The following SIPA1L3 variants were observed in gnomAD, a reference collection of about 807,000 sequenced individuals.
SIPA1L3 encodes signal-induced proliferation-associated 1-like protein 3.
In SIPA1L3, 59 loss-of-function variants were observed where a neutral mutation model predicts 150.1. The observed-to-expected ratio is 0.39, with a 90% CI of 0.32 to 0.49. The LOEUF (loss-of-function observed/expected upper bound fraction) is 0.49. Among genes scored for constraint, SIPA1L3 ranks in the 20% least tolerant of loss-of-function variants. The pLI is 0.86. For synonymous variants in SIPA1L3, 1,070 were observed against 1,077.6 expected (o/e 0.99, Z 0.14); for missense variants, 2,211 against 2,489.5 (o/e 0.89, Z 2.38).
chr19:38,141,405 T>A lies in SIPA1L3; in HGVS notation c.3365T>A (p.Phe1122Tyr), dbSNP rs1241862178. The A allele has an allele frequency of 2.5e-6, 4 of 1,611,652 alleles. No individual in the cohort carries two copies. Among genetic ancestry groups the A allele is most frequent in the Admixed American group, 3.3e-5 (2 of 59,970 alleles). ...RPLKQTPIVP[F>Y]RESQPLHSKR... The stretch of plus-strand genomic sequence containing the variant: ...CTGAAGCAGACCCCCATAGTCCCCT[T>A]CCGGGAGTCCCAGCCACTGCACAGC... The change falls in exon 11 of 22, where the codon TTC (phenylalanine) becomes TAC (tyrosine). Residue 1122 changes from phenylalanine to tyrosine, a missense_variant. By Grantham distance (22) the Phe-to-Tyr change is conservative. Around this residue, in one of 5 missense-constraint regions of SIPA1L3, gnomAD observed 806 missense variants for 870.1 expected, o/e 0.93. Coordinates refer to ENST00000222345, the MANE Select transcript of SIPA1L3 (RefSeq NM_015073.3).
At chr19:38,156,994 C>T (rs534410653) in intron 13 of SIPA1L3, among the ~76,000 whole-genome samples, 1 of 151,672 alleles carries the variant, frequency 6.6e-6, no homozygotes, top group Admixed American at 6.6e-5. Context: ...GGGACTCTGC[C>T]TCTACAAAAA....
intron 2 of SIPA1L3, among the ~76,000 whole-genome samples, chr19:38,069,504 C>T (rs764538081): frequency 4.6e-5 from 7 of 152,138 alleles, no homozygotes; most frequent in Admixed American, 6.6e-5. Flanking sequence ...GGAGGCAGAC[C>T]CTCTTCTCTC....
chr19:38,183,017 C>A, intron 16 of SIPA1L3: 1 of 391,726 alleles, frequency 2.6e-6, no homozygotes, highest in Non-Finnish European at 4.6e-6. Flanking sequence ...TGGAACATTC[C>A]AGGGAGAAGG....
chr19:38,073,086 G>T (rs1251100817), intron 2 of SIPA1L3, among the ~76,000 whole-genome samples: 28 of 152,312 alleles, frequency 1.8e-4, no homozygotes, highest in African/African-American at 6.7e-4. Context: ...CCACATTCTA[G>T]CCAGTGGGAC....
chr19:38,072,649 C>T (rs1373769481), intron 2 of SIPA1L3, among the ~76,000 whole-genome samples: 1 of 152,278 alleles, frequency 6.6e-6, no homozygotes, highest in Non-Finnish European at 1.5e-5. Context: ...TGGTTCTGAT[C>T]AGGCCACATG....
chr19:37,932,279 C>T (rs1011657627), intron 1 of SIPA1L3: 3 of 152,328 alleles, frequency 2.0e-5, no homozygotes, highest in Admixed American at 6.5e-5. Flanking sequence ...GGCGAGCCGC[C>T]TTTGTTACCT....
chr19:38,122,140 G>A (rs184337823), intron 9 of SIPA1L3, among the ~76,000 whole-genome samples: 10 of 152,156 alleles, frequency 6.6e-5, no homozygotes, highest in East Asian at 1.9e-4. Context: ...AGAATTGCTT[G>A]AATCCGAGAG....
chr19:37,977,862 T>G (rs1967111008), intron 1 of SIPA1L3, among the ~76,000 whole-genome samples: 1 of 152,214 alleles, frequency 6.6e-6, no homozygotes, highest in African/African-American at 2.4e-5. Context: ...TGGTTAAAAC[T>G]AAATGCCTAG....
intron 1 of SIPA1L3, among the ~76,000 whole-genome samples, chr19:37,989,404 G>A (rs886995817): frequency 3.9e-5 from 6 of 152,100 alleles, no homozygotes; most frequent in African/African-American, 1.4e-4. Flanking sequence ...AAAATATTTA[G>A]TAGAGACGGG....
chr19:38,141,358 T>C lies in SIPA1L3; in HGVS notation c.3318T>C (p.His1106=), dbSNP rs1971578058. The change falls in exon 11 of 22, where the codon CAT becomes CAC. Residue 1106 remains histidine, a synonymous_variant. Coordinates refer to ENST00000222345, the MANE Select transcript of SIPA1L3 (RefSeq NM_015073.3). The part of the protein sequence containing the change: ...SKWATPTTPG[H]AQSLSRPLKQ... Reference sequence around the variant, plus strand: ...GGGCCACTCCAACCACTCCCGGCCATGCCCAGTCCCTGAGCCGGCCCCTGA... The same window carrying C: ...GGGCCACTCCAACCACTCCCGGCCACGCCCAGTCCCTGAGCCGGCCCCTGA... 1 of 1,613,832 alleles carries C rather than the reference T, an allele frequency of 6.2e-7. No individual in the cohort carries two copies.
intron 1 of SIPA1L3, among the ~76,000 whole-genome samples, chr19:37,920,210 A>T (rs2145481285): frequency 6.6e-6 from 1 of 151,982 alleles, no homozygotes; most frequent in African/African-American, 2.4e-5. Context: ...AGGTATGCAC[A>T]ACCATGCCCA....
At chr19:38,157,911 G>A (rs540737164) in intron 13 of SIPA1L3, among the ~76,000 whole-genome samples, 38 of 152,284 alleles carry the variant, frequency 2.5e-4, no homozygotes, top group Admixed American at 6.5e-4. Context: ...ACAGGGACAC[G>A]ATGATGATAA....
chr19:38,199,049 G>C (rs1273951948), intron 19 of SIPA1L3, among the ~76,000 whole-genome samples: 2 of 152,234 alleles, frequency 1.3e-5, no homozygotes, highest in Non-Finnish European at 2.9e-5. Flanking sequence ...GACTTTTAGT[G>C]CCCTGAGGGT....
chr19:38,168,504 A>G (rs2145993363), intron 15 of SIPA1L3, among the ~76,000 whole-genome samples: 1 of 152,240 alleles, frequency 6.6e-6, no homozygotes, highest in East Asian at 1.9e-4. Context: ...TGGAAAAAAA[A>G]ACAAAAACCT....
At chr19:38,116,575 C>T (rs779900582) in intron 8 of SIPA1L3, among the ~76,000 whole-genome samples, 3 of 150,402 alleles carry the variant, frequency 2.0e-5, no homozygotes, top group African/African-American at 4.9e-5. Context: ...AGGCTGGGTG[C>T]GGTGGCTCAC....
rs757393569 is a variant in SIPA1L3 at position 38,028,341 on chromosome 19, C to T, written c.-378-748C>T. On this transcript the variant is annotated intron_variant, in intron 1 of 21. Coordinates refer to ENST00000222345, the MANE Select transcript of SIPA1L3 (RefSeq NM_015073.3). ...GCCACCGCTTGCCCCTCACTCACCC[C>T]GTGCCAGCTCCATGGGCCTCCTGAC... 5.3e-5 allele frequency among the ~76,000 whole-genome samples: 8 copies of T among 152,190 alleles called. No individual in the cohort carries two copies. In the East Asian group the frequency reaches 5.8e-4, roughly 11 times the overall value.
chr19:38,145,619 A>G (rs1275020427), intron 12 of SIPA1L3, among the ~76,000 whole-genome samples: 2 of 151,852 alleles, frequency 1.3e-5, no homozygotes, highest in African/African-American at 2.4e-5. Context: ...AACATCTTGT[A>G]TGGTTATAAC....
chr19:38,041,010 A>G (rs915485427), intron 2 of SIPA1L3, among the ~76,000 whole-genome samples: 4 of 150,810 alleles, frequency 2.7e-5, no homozygotes, highest in Admixed American at 6.6e-5. Flanking sequence ...TGATCTGCCC[A>G]CCTCTGCCTC....
In SIPA1L3 at chr19:38,169,017, G is replaced by T. The variant is rs185390710; in HGVS notation, c.4208+4111G>T. Among the ~76,000 whole-genome samples the T allele has an allele frequency of 8.7e-3, 1,320 of 152,212 alleles. 5 individuals carry two copies. Among genetic ancestry groups the T allele is most frequent in the Non-Finnish European group, 0.015 (1,008 of 68,020 alleles). ...TTGCTTTCATGAGTATTAGGAAAAA[G>T]AGTTTGCAACTCACCCCCTGATTTT... On this transcript the variant is annotated intron_variant, in intron 15 of 21. Transcript: ENST00000222345.
Sources: gnomAD v4.1 joint callset for allele counts (sites outside exome capture counted in the v4.1 genomes callset) on GRCh38, gnomAD v4.1.1 for gene constraint, gnomAD v4.1.1 regional missense constraint, MANE v1.5 for transcripts, NCBI Gene and HGNC (gene_info 2026-07-23, HGNC 2026-07-21) for gene names.